SESN1: variants seen among roughly 807,000 people sequenced by gnomAD.
The protein encoded by SESN1 is sestrin-1.
Under a neutral mutation model 59.3 loss-of-function variants are expected in SESN1, and 30 were observed. That is an observed-to-expected ratio of 0.51 (90% CI 0.38 to 0.69). The LOEUF (loss-of-function observed/expected upper bound fraction) is 0.69, where lower values mean the gene tolerates loss of function less well. Among genes scored for constraint, SESN1 ranks in the 30% least tolerant of loss-of-function variants. The pLI, the probability that SESN1 is intolerant of heterozygous loss-of-function variation, is 0.00. For synonymous variants in SESN1, 197 were observed against 219.9 expected (o/e 0.90, Z 0.92); for missense variants, 566 against 673.0 (o/e 0.84, Z 1.76).
chr6:108,986,641 A>T lies in SESN1; in HGVS notation c.*903T>A, dbSNP rs1779203335. 6.6e-6 allele frequency: 1 copy of T among 152,534 alleles called. No individual in the cohort carries two copies. Among genetic ancestry groups the T allele is most frequent in the Non-Finnish European group, 1.5e-5 (1 of 68,044 alleles). 9.4% of individuals were successfully genotyped at this position (152,534 alleles called of 1,614,324 possible). ...AGCTTTATTATTTAAGGAGCTGCAC[A>T]GCCTTTAAAGTGGGGACCAGGAGGC... On this transcript the variant is annotated 3_prime_UTR_variant, in exon 10 of 10. Transcript: ENST00000436639.
intron 1 of SESN1, among the ~76,000 whole-genome samples, chr6:109,028,918 A>G (rs538938656): frequency 1.3e-5 from 2 of 152,334 alleles, no homozygotes; most frequent in Admixed American, 6.5e-5. Flanking sequence ...ATATGGTGAC[A>G]TGAGAGCGGG....
intron 1 of SESN1, among the ~76,000 whole-genome samples, chr6:109,010,361 C>T (rs1343836715): frequency 2.0e-5 from 3 of 152,176 alleles, no homozygotes; most frequent in African/African-American, 4.8e-5. Context: ...TCTATTCTCT[C>T]TCTTTAAAAG....
intron 1 of SESN1, among the ~76,000 whole-genome samples, chr6:109,049,024 GCTAGCTTTCAACAAACAC>G (rs1350265625): frequency 2.0e-5 from 3 of 152,168 alleles, no homozygotes; most frequent in African/African-American, 7.2e-5. Context: ...TTTGTACAGA[GCTAGCTTTCAACAAACAC>G]CTGTAGAACA....
At chr6:109,043,900 C>G (rs150859971) in intron 1 of SESN1, among the ~76,000 whole-genome samples, 14 of 152,240 alleles carry the variant, frequency 9.2e-5, no homozygotes, top group Middle Eastern at 3.4e-3. Flanking sequence ...GTTTTCATGA[C>G]TTATTATAAA....
chr6:108,985,538 G>T lies in SESN1; in HGVS notation c.*2006C>A, dbSNP rs1304358946. Reference sequence around the variant, plus strand: ...TGGAAGGCATTGAAACATTAACTTTGTATCACATGCACTTTTATTACTTTA... The same window carrying T: ...TGGAAGGCATTGAAACATTAACTTTTTATCACATGCACTTTTATTACTTTA... On this transcript the variant is annotated 3_prime_UTR_variant, in exon 10 of 10. Coordinates refer to ENST00000436639, the MANE Select transcript of SESN1 (RefSeq NM_014454.3). Among the ~76,000 whole-genome samples, 1 of 152,150 alleles carries T rather than the reference G, an allele frequency of 6.6e-6. No individual in the cohort carries two copies. The highest frequency in any genetic ancestry group is 1.5e-5 in the Non-Finnish European group (1 of 68,022).
At chr6:108,993,734 T>A (rs2114275734) in intron 6 of SESN1, among the ~76,000 whole-genome samples, 1 of 152,250 alleles carries the variant, frequency 6.6e-6, no homozygotes, top group Admixed American at 6.5e-5. Flanking sequence ...TTTTCACAAA[T>A]CATATAATTT....
chr6:109,057,561 C>T (rs928524218), intron 1 of SESN1, among the ~76,000 whole-genome samples: 2 of 152,154 alleles, frequency 1.3e-5, no homozygotes, highest in South Asian at 4.1e-4. Flanking sequence ...AAGAAAGGTT[C>T]CTCTTATTCA....
At chr6:109,057,012 G>A (rs1384543087) in intron 1 of SESN1, among the ~76,000 whole-genome samples, 1 of 152,172 alleles carries the variant, frequency 6.6e-6, no homozygotes, top group East Asian at 1.9e-4. Context: ...CCACTGCCAT[G>A]CCTTGAACCC....
At chr6:108,991,490 T>A (rs1192904948) in intron 7 of SESN1, among the ~76,000 whole-genome samples, 2 of 152,174 alleles carry the variant, frequency 1.3e-5, no homozygotes. Context: ...GATTTTCCCA[T>A]CTTGGTCTCT....
At chr6:108,994,110 A>G (rs1340053988) in intron 6 of SESN1, among the ~76,000 whole-genome samples, 1 of 149,016 alleles carries the variant, frequency 6.7e-6, no homozygotes, top group Non-Finnish European at 1.5e-5. Flanking sequence ...ACTGCACTTC[A>G]GCCTGGCAAC....
intron 1 of SESN1, among the ~76,000 whole-genome samples, chr6:109,029,677 G>A (rs1452550356): frequency 6.6e-6 from 1 of 152,058 alleles, no homozygotes. Flanking sequence ...GGTTTAACAG[G>A]TGCATGCCAC....
chr6:109,009,740 G>A (rs1310846728), intron 1 of SESN1, among the ~76,000 whole-genome samples: 2 of 152,104 alleles, frequency 1.3e-5, no homozygotes, highest in Non-Finnish European at 2.9e-5. Context: ...GGGGGCCCAG[G>A]TTCCCCACGA....
chr6:109,064,596 A>T (rs1415165615), intron 1 of SESN1, among the ~76,000 whole-genome samples: 2 of 3,008 alleles, frequency 6.6e-4, no homozygotes, highest in Non-Finnish European at 2.2e-3. Flanking sequence ...AGGAGAGGGG[A>T]GGGGAGGGGA....
intron 1 of SESN1, among the ~76,000 whole-genome samples, chr6:109,073,895 G>T (rs962852595): frequency 1.3e-5 from 2 of 152,098 alleles, no homozygotes; most frequent in Non-Finnish European, 2.9e-5. Context: ...ACTCATTATA[G>T]AAATCTTGGA....
Position 109,071,239 on chromosome 6 carries a change from G to T in SESN1, c.279+22556C>A, listed in dbSNP as rs115188084. 3.5e-3 allele frequency among the ~76,000 whole-genome samples: 539 copies of T among 152,166 alleles called. 6 individuals are homozygous for T. Among genetic ancestry groups the T allele is most frequent in the African/African-American group, 0.012 (500 of 41,510 alleles). ...CAGAATAAATATATAAGTAAATAAC[G>T]AGTTCAGGTCGTGTTTGGGGCAAAG... On this transcript the variant is annotated intron_variant, in intron 1 of 9. Transcript: ENST00000436639.
At chr6:109,019,249 T>A (rs1247612919) in intron 1 of SESN1, among the ~76,000 whole-genome samples, 2 of 152,146 alleles carry the variant, frequency 1.3e-5, no homozygotes, top group East Asian at 3.8e-4. Flanking sequence ...ATCCTGGAAC[T>A]CACACTAGGT....
At chr6:109,083,688 C>T (rs1429464960) in intron 1 of SESN1, among the ~76,000 whole-genome samples, 1 of 152,204 alleles carries the variant, frequency 6.6e-6, no homozygotes, top group East Asian at 1.9e-4. Flanking sequence ...AGAGATCTTA[C>T]ACTGTGAGAA....
intron 1 of SESN1, among the ~76,000 whole-genome samples, chr6:109,046,911 G>A (rs1163332772): frequency 8.0e-6 from 1 of 124,242 alleles, no homozygotes; most frequent in Admixed American, 7.8e-5. Context: ...GAGAAGTGAG[G>A]AGCCTCTCCG....
At chr6:109,033,532 C>T (rs941758760) in intron 1 of SESN1, among the ~76,000 whole-genome samples, 2 of 152,142 alleles carry the variant, frequency 1.3e-5, no homozygotes, top group African/African-American at 2.4e-5. Context: ...TAATGTCCCT[C>T]TGCAATTATC....
Sources: gnomAD v4.1 joint callset for allele counts (sites outside exome capture counted in the v4.1 genomes callset) on GRCh38, gnomAD v4.1.1 for gene constraint, MANE v1.5 for transcripts, NCBI Gene and HGNC (gene_info 2026-07-23, HGNC 2026-07-21) for gene names.